Variants in CEP89 observed in about 807,000 individuals in gnomAD.
CEP89 encodes centrosomal protein 89.
In CEP89, 95 loss-of-function variants were observed where a neutral mutation model predicts 97.6. The ratio of observed to expected loss-of-function variants is 0.97; its 90% confidence interval spans 0.82 to 1.15. The LOEUF is 1.15. CEP89 is among the 50% of genes most tolerant of loss of function. The pLI is 0.00. For synonymous variants in CEP89, 354 were observed against 349.1 expected (o/e 1.01, Z -0.16); for missense variants, 869 against 947.7 (o/e 0.92, Z 1.09).
chr19:32,877,238 T>C lies in CEP89; in HGVS notation c.*1924A>G, dbSNP rs1181692701. On this transcript the variant is annotated 3_prime_UTR_variant, in exon 19 of 19. Coordinates refer to ENST00000305768, the MANE Select transcript of CEP89 (RefSeq NM_032816.5). ...GAGTCATAAAAGAACTATGATTTTC[T>C]ATCTCACCCTTCCGTCTGGCAATCA... 6.6e-6 allele frequency: 1 copy of C among 152,210 alleles called. No individual in the cohort carries two copies. Among genetic ancestry groups the C allele is most frequent in the African/African-American group, 2.4e-5 (1 of 41,436 alleles). 9.4% of individuals were successfully genotyped at this position (152,210 alleles called of 1,614,324 possible).
At chr19:32,883,719 A>G (rs1428096897) in intron 17 of CEP89, among the ~76,000 whole-genome samples, 2 of 152,164 alleles carry the variant, frequency 1.3e-5, no homozygotes, top group South Asian at 2.1e-4. Context: ...TTTCTACTTT[A>G]GGGATTTATT....
rs1187636438 is a variant in CEP89, at chr19:32,954,364, GT to G, written c.306-564del. Among the ~76,000 whole-genome samples the G allele has an allele frequency of 2.4e-5, 3 of 126,270 alleles. No individual in the cohort carries two copies. The South Asian group carries it at 7.5e-4, about 31-fold the overall frequency. The allele number at this position is 126,270 out of a possible 152,430, so 82.8% of individuals were successfully genotyped here. On this transcript the variant is annotated intron_variant, in intron 3 of 18. Coordinates refer to ENST00000305768, the MANE Select transcript of CEP89 (RefSeq NM_032816.5). ...GTCTTGTTATGAATAAGGGTTTTTT[GT>G]TTTTTTGTTTTTTTTTTGAGACAGG...
intron 3 of CEP89, among the ~76,000 whole-genome samples, chr19:32,957,858 C>T (rs141332050): frequency 5.5e-4 from 83 of 151,732 alleles, no homozygotes; most frequent in African/African-American, 1.6e-3. Context: ...TAGCCAAGCA[C>T]GGTAGCAAGC....
rs141423846 is a variant in CEP89 at position 32,879,316 on chromosome 19, C to G, written c.2198G>C (p.Arg733Pro). Residue 733 changes from arginine to proline, a missense_variant, in exon 19 of 19, where the codon CGA (arginine) becomes CCA (proline). Arg to Pro is a moderately radical substitution (Grantham distance 103). Transcript: ENST00000305768. The stretch of plus-strand genomic sequence containing the variant: ...CGTGAGTGTGTCCTGGAGAAGTTCT[C>G]GGATTCTTCGGTTTTCCCTGAAGGT... ...ESTFRENRRI[R>P]ELLQDTLTRT... 2.5e-6 allele frequency: 4 copies of G among 1,614,250 alleles called. No individual in the cohort carries two copies. The highest frequency in any genetic ancestry group is 2.5e-6 in the Non-Finnish European group (3 of 1,180,048).
chr19:32,930,229 T>C (rs540259492), intron 9 of CEP89, among the ~76,000 whole-genome samples: 24 of 152,024 alleles, frequency 1.6e-4, no homozygotes, highest in African/African-American at 5.1e-4. Context: ...GAATTCACCA[T>C]GTTGGTCAGG....
At chr19:32,918,872 CTTTTTCTTTTTCTTTTTTT>C (rs1229715947) in intron 12 of CEP89, among the ~76,000 whole-genome samples, 1 of 116,818 alleles carries the variant, frequency 8.6e-6, no homozygotes, top group Non-Finnish European at 1.6e-5. Flanking sequence ...TTTCTTTTTT[CTTTTTCTTTTTCTTTTTTT>C]TTTTTTTTTT....
At chr19:32,887,326 T>G (rs1969420878) in intron 17 of CEP89, among the ~76,000 whole-genome samples, 1 of 150,346 alleles carries the variant, frequency 6.7e-6, no homozygotes, top group Non-Finnish European at 1.5e-5. Flanking sequence ...CAATGGAGCC[T>G]CCCCCATCAG....
intron 16 of CEP89, among the ~76,000 whole-genome samples, chr19:32,897,452 A>G (rs778698346): frequency 1.3e-5 from 2 of 152,218 alleles, no homozygotes; most frequent in Non-Finnish European, 2.9e-5. Flanking sequence ...GTCATTTACA[A>G]AACAACAGCA....
intron 2 of CEP89, among the ~76,000 whole-genome samples, chr19:32,962,744 AC>A (rs1599783282): frequency 6.6e-6 from 1 of 152,198 alleles, no homozygotes; most frequent in East Asian, 1.9e-4. Flanking sequence ...TTGTATTGAT[AC>A]TATATAATGA....
At position 32,899,885 on chromosome 19, in the gene CEP89, G is replaced by A. The variant is rs767119647; in HGVS notation, c.1847C>T (p.Thr616Ile). 4 of 1,613,912 alleles carry A rather than the reference G, an allele frequency of 2.5e-6. No individual in the cohort carries two copies. The Admixed American group carries it at 6.7e-5, about 27-fold the overall frequency. ...ANLVGLAENI[T>I]QERDSLMCLA... ...ACACATAAGACTGTCACGTTCCTGG[G>A]TTATGTTTTCTGCCAGGCCAACAAG... The change falls in exon 16 of 19, where the codon ACC becomes ATC. Residue 616 changes from threonine (T) to isoleucine (I), a missense_variant. Physicochemically the swap from Thr to Ile is moderately conservative, Grantham distance 89 (BLOSUM62 -1). Transcript: ENST00000305768.
chr19:32,930,500 C>A (rs1477275166), intron 9 of CEP89, among the ~76,000 whole-genome samples: 1 of 151,978 alleles, frequency 6.6e-6, no homozygotes, highest in Non-Finnish European at 1.5e-5. Context: ...AAACGTAAGC[C>A]CTCCTTCAAA....
chr19:32,964,245 T>C (rs1971235340), intron 2 of CEP89, among the ~76,000 whole-genome samples: 1 of 152,074 alleles, frequency 6.6e-6, no homozygotes, highest in Non-Finnish European at 1.5e-5. Flanking sequence ...CGATCTGGGC[T>C]CACTGCAACC....
chr19:32,931,356 C>A (rs576843994), intron 9 of CEP89, 73 bp downstream of exon 9: 2 of 1,331,314 alleles, frequency 1.5e-6, no homozygotes, highest in South Asian at 2.8e-5. Context: ...AAGAACCTCT[C>A]AAGATTGGAA....
intron 5 of CEP89, among the ~76,000 whole-genome samples, chr19:32,945,284 C>CAAA (rs10709515): frequency 6.3e-5 from 6 of 95,864 alleles, no homozygotes; most frequent in African/African-American, 2.0e-4. Flanking sequence ...AACTATGTTT[C>CAAA]AAAAAAAAAA....
chr19:32,910,819 C>G (rs2145900904), intron 14 of CEP89, among the ~76,000 whole-genome samples: 1 of 152,334 alleles, frequency 6.6e-6, no homozygotes. Flanking sequence ...CAGTAACGTA[C>G]ATGGAGCTGT....
At position 32,960,009 on chromosome 19, in the gene CEP89, C is replaced by A. The variant is rs946517766; in HGVS notation, c.196G>T (p.Val66Phe). 6.2e-7 allele frequency: 1 copy of A among 1,614,232 alleles called. No individual in the cohort carries two copies. Among genetic ancestry groups the A allele is most frequent in the Admixed American group, 1.7e-5 (1 of 60,014 alleles). The change falls in exon 3 of 19, where the codon GTT becomes TTT. Residue 66 changes from valine to phenylalanine, a missense_variant. Transcript: ENST00000305768. ...CTCTGGCGAGGCTGAGGAATAGCAA[C>A]CGTCCGCCCAGTCAATGTTGTCGCC... is the stretch of plus-strand genomic sequence containing the variant. Reference protein sequence around the residue: ...ILATTLTGRTVAIPQPRQRSR... With the variant: ...ILATTLTGRTFAIPQPRQRSR...
chr19:32,971,684 A>C, intron 1 of CEP89, 152 bp downstream of exon 1: 1 of 721,504 alleles, frequency 1.4e-6, no homozygotes. Context: ...AGTTTAGAAC[A>C]CGAAAAATCA....
chr19:32,902,020 G>C (rs1191115833), intron 14 of CEP89, among the ~76,000 whole-genome samples: 230 of 150,562 alleles, frequency 1.5e-3, no homozygotes, highest in Non-Finnish European at 2.7e-3. Flanking sequence ...CTGTGTGTGT[G>C]TGTGTGTGTG....
chr19:32,908,607 G>A (rs1969937749), intron 14 of CEP89, among the ~76,000 whole-genome samples: 1 of 152,180 alleles, frequency 6.6e-6, no homozygotes, highest in Non-Finnish European at 1.5e-5. Context: ...TTTTTGTTTT[G>A]GCTACAGAAG....
Sources: allele counts gnomAD v4.1 joint callset (sites outside exome capture counted in the v4.1 genomes callset), GRCh38; gene constraint gnomAD v4.1.1; transcripts MANE v1.5; gene names NCBI Gene and HGNC (gene_info 2026-07-23, HGNC 2026-07-21).